Variants in SYNCRIP observed in about 807,000 individuals in gnomAD.
The protein encoded by SYNCRIP is heterogeneous nuclear ribonucleoprotein Q.
SYNCRIP carries 9 observed loss-of-function variants against 68.9 expected under a neutral mutation model. The ratio of observed to expected loss-of-function variants is 0.13; its 90% CI spans 0.08 to 0.23. The LOEUF (loss-of-function observed/expected upper bound fraction) is 0.23, where lower values mean the gene tolerates loss of function less well. Among genes scored for constraint, SYNCRIP ranks in the 10% least tolerant of loss-of-function variants. The pLI, the probability that SYNCRIP is intolerant of heterozygous loss-of-function variation, is 1.00. For synonymous variants in SYNCRIP, 258 were observed against 254.0 expected (o/e 1.02, Z -0.15); for missense variants, 414 against 770.6 (o/e 0.54, Z 5.48).
chr6:85,636,668 T>C (rs1808489869), intron 6 of SYNCRIP, among the ~76,000 whole-genome samples: 1 of 152,180 alleles, frequency 6.6e-6, no homozygotes, highest in African/African-American at 2.4e-5. Context: ...ACAGTTACTT[T>C]TCTTAATCTT....
chr6:85,642,215 C>G (rs1809261158), intron 1 of SYNCRIP, among the ~76,000 whole-genome samples: 1 of 152,184 alleles, frequency 6.6e-6, no homozygotes, highest in Non-Finnish European at 1.5e-5. Context: ...TCCCCGCCCC[C>G]CAGCGCCGCC....
At chr6:85,642,411 C>T (rs1383636504) in intron 1 of SYNCRIP, among the ~76,000 whole-genome samples, 3 of 152,180 alleles carry the variant, frequency 2.0e-5, no homozygotes, top group Non-Finnish European at 4.4e-5. Flanking sequence ...GCGGACGGCT[C>T]AACGCCCGCG....
At chr6:85,634,402 TTC>T (rs1808196358) in intron 6 of SYNCRIP, among the ~76,000 whole-genome samples, 1 of 152,228 alleles carries the variant, frequency 6.6e-6, no homozygotes, top group Non-Finnish European at 1.5e-5. Flanking sequence ...AGTTTAATGA[TTC>T]TTTTTCATAA....
chr6:85,636,910 A>T, intron 6 of SYNCRIP, 57 bp downstream of exon 6: 1 of 1,510,562 alleles, frequency 6.6e-7, no homozygotes, highest in Non-Finnish European at 8.9e-7. Context: ...CTAAGAAAAA[A>T]ACTTGATATT....
intron 6 of SYNCRIP, among the ~76,000 whole-genome samples, chr6:85,631,475 G>A (rs1322084162): frequency 1.3e-5 from 2 of 152,148 alleles, no homozygotes; most frequent in South Asian, 2.1e-4. Flanking sequence ...TTTCAGCACA[G>A]GAATGCTGTG....
intron 10 of SYNCRIP, among the ~76,000 whole-genome samples, chr6:85,615,876 T>C (rs1045784736): frequency 6.6e-6 from 1 of 152,234 alleles, no homozygotes; most frequent in Admixed American, 6.5e-5. Context: ...TTGAAGAACA[T>C]TTATTACAAA....
downstream of SYNCRIP, among the ~76,000 whole-genome samples, chr6:85,613,522 A>G (rs943604276): frequency 3.0e-4 from 46 of 152,176 alleles, no homozygotes; most frequent in African/African-American, 1.1e-3. Context: ...ACATTTTCCC[A>G]TCATTACTGT....
chr6:85,616,576 G>A (rs546025186), intron 10 of SYNCRIP, among the ~76,000 whole-genome samples: 2 of 149,516 alleles, frequency 1.3e-5, no homozygotes, highest in African/African-American at 2.4e-5. Flanking sequence ...CACCCACCTC[G>A]GCCTAGAGTG....
chr6:85,619,776 T>C (rs898374919), intron 8 of SYNCRIP, among the ~76,000 whole-genome samples: 1 of 149,994 alleles, frequency 6.7e-6, no homozygotes, highest in African/African-American at 2.4e-5. Context: ...TCTCATTCAT[T>C]GCTGGTGGGA....
downstream of SYNCRIP, among the ~76,000 whole-genome samples, chr6:85,613,777 T>C (rs1423447907): frequency 6.6e-6 from 1 of 152,340 alleles, no homozygotes; most frequent in South Asian, 2.1e-4. Context: ...TCTTTGCTGC[T>C]TTCTAGTCCC....
At chr6:85,620,737 G>C (rs1487057975) in intron 8 of SYNCRIP, among the ~76,000 whole-genome samples, 2 of 152,196 alleles carry the variant, frequency 1.3e-5, no homozygotes, top group African/African-American at 4.8e-5. Context: ...TGCCTGTGTA[G>C]GGGGCAGAAG....
At chr6:85,623,579 A>AAAAAAAAAAAAAAAAAAAAAAAAAAAAC (rs1554184894) in intron 7 of SYNCRIP, among the ~76,000 whole-genome samples, 6 of 125,756 alleles carry the variant, frequency 4.8e-5, no homozygotes, top group Non-Finnish European at 1.1e-4. Context: ...AAAAAAAAAA[A>AAAAAAAAAAAAAAAAAAAAAAAAAAAAC]AAAACACTCT....
At chr6:85,609,137 T>C (rs1206395798), downstream of SYNCRIP, 3 of 151,958 alleles carry the variant, frequency 2.0e-5, no homozygotes, top group Admixed American at 6.6e-5. Context: ...TTTTGTGGTA[T>C]ACATAATTAG....
intron 6 of SYNCRIP, among the ~76,000 whole-genome samples, chr6:85,635,358 A>C (rs1808316289): frequency 6.6e-6 from 1 of 152,172 alleles, no homozygotes; most frequent in Admixed American, 6.5e-5. Context: ...GAAAATATCT[A>C]AATTCTCAAA....
At position 85,640,481 on chromosome 6, in the gene SYNCRIP, G is replaced by T. The variant is rs2128304716; in HGVS notation, c.232C>A (p.Gln78Lys). 2.5e-6 allele frequency: 4 copies of T among 1,608,158 alleles called. No homozygotes were observed. Among genetic ancestry groups the T allele is most frequent in the Non-Finnish European group, 2.5e-6 (3 of 1,178,058 alleles). ...FNEDGALAVL[Q>K]QFKDSDLSHV... is the part of the protein sequence containing the mutation. ...GAGAGATCACTGTCTTTAAACTGTT[G>T]AAGAACTGCCAATGCACCGTCTTCA... Residue 78 changes from glutamine (Q) to lysine (K), a missense_variant, in exon 3 of 11, where the codon CAA becomes AAA. Gln to Lys is a moderately conservative substitution (Grantham distance 53). Transcript: ENST00000369622.
intron 10 of SYNCRIP, 136 bp from the exon 11 acceptor site, chr6:85,615,483 A>G: frequency 3.6e-6 from 2 of 559,704 alleles, no homozygotes; most frequent in Non-Finnish European, 5.9e-6. Context: ...AATTATTTGT[A>G]CTAGATTAAG....
downstream of SYNCRIP, chr6:85,613,966 CAACTTA>C: frequency 1.0e-6 from 1 of 981,254 alleles, no homozygotes; most frequent in Non-Finnish European, 1.2e-6. Context: ...AAATACTTAC[CAACTTA>C]AACTTACTAC....
At chr6:85,629,075 C>A (rs1256079556) in intron 6 of SYNCRIP, among the ~76,000 whole-genome samples, 2 of 152,142 alleles carry the variant, frequency 1.3e-5, no homozygotes, top group African/African-American at 4.8e-5. Flanking sequence ...CACATCAGGG[C>A]TCAAAAAGGG....
At chr6:85,643,545 G>A (rs1360912966), upstream of SYNCRIP, among the ~76,000 whole-genome samples, 2 of 151,134 alleles carry the variant, frequency 1.3e-5, no homozygotes, top group African/African-American at 2.4e-5. Flanking sequence ...AGGCGGGGCG[G>A]GCCGGCTCAG....
Sources: gnomAD v4.1 joint callset for allele counts (sites outside exome capture counted in the v4.1 genomes callset) on GRCh38, gnomAD v4.1.1 for gene constraint, MANE v1.5 for transcripts, NCBI Gene and HGNC (gene_info 2026-07-23, HGNC 2026-07-21) for gene names.